The following FLYWCH2 variants were observed in gnomAD, a reference collection of about 807,000 sequenced individuals.
The protein encoded by FLYWCH2 is FLYWCH family member 2.
A neutral mutation model predicts 6.0 loss-of-function variants in FLYWCH2; 2 were observed. The ratio of observed to expected loss-of-function variants is 0.33; its 90% confidence interval spans 0.14 to 1.04. FLYWCH2 has a LOEUF of 1.04. Among genes scored for constraint, FLYWCH2 ranks in the 50% least tolerant of loss-of-function variants. The pLI is 0.45. For missense variants in FLYWCH2, 192 were observed against 183.4 expected (o/e 1.05, Z -0.27); for synonymous variants, 87 against 79.3 (o/e 1.10, Z -0.52).
intron 3 of FLYWCH2, among the ~76,000 whole-genome samples, chr16:2,897,985 G>A (rs532222347): frequency 6.6e-6 from 1 of 152,230 alleles, no homozygotes; most frequent in East Asian, 1.9e-4. Context: ...GGGTCAGCCA[G>A]AACAGGTGGT....
chr16:2,894,930 C>A (rs999182406), intron 1 of FLYWCH2, among the ~76,000 whole-genome samples: 1 of 152,152 alleles, frequency 6.6e-6, no homozygotes, highest in African/African-American at 2.4e-5. Context: ...GAACCTCAAG[C>A]CCAGGTTGGG....
chr16:2,884,558 T>TGAAAAAAAAA lies in FLYWCH2; in HGVS notation c.-200+1192_-200+1193insGAAAAAAAAA, dbSNP rs2069674836. Among the ~76,000 whole-genome samples, 4 of 39,290 alleles carry TGAAAAAAAAA rather than the reference T, an allele frequency of 1.0e-4. No homozygotes were observed. In the South Asian group the frequency reaches 3.1e-3, roughly 31 times the overall value. 25.8% of individuals were successfully genotyped at this position (39,290 alleles called of 152,430 possible). A position where few individuals can be genotyped will look rare whatever the true frequency, so the allele number is the denominator to read the frequency against. ...TAACATGGTGAAACCCCGTCTCTAC[T>TGAAAAAAAAA]AAAAAAAAAAAAAAAAAAATACAAA... On this transcript the variant is annotated intron_variant, in intron 1 of 3. Transcript: ENST00000396958.
chr16:2,898,917 G>A (rs2069851879), intron 3 of FLYWCH2, 132 bp from the exon 4 acceptor site: 1 of 611,758 alleles, frequency 1.6e-6, no homozygotes, highest in African/African-American at 1.9e-5. Flanking sequence ...TCACTTCTCA[G>A]TCAGGCAGAG....
chr16:2,893,291 C>T (rs1218249286), intron 1 of FLYWCH2, among the ~76,000 whole-genome samples: 1 of 152,168 alleles, frequency 6.6e-6, no homozygotes, highest in Non-Finnish European at 1.5e-5. Flanking sequence ...CTAACCCTGC[C>T]TTGGTCTTTC....
chr16:2,889,075 A>G (rs1228474231), intron 1 of FLYWCH2, among the ~76,000 whole-genome samples: 1 of 151,804 alleles, frequency 6.6e-6, no homozygotes, highest in East Asian at 1.9e-4. Context: ...TTCATAAAAC[A>G]CAGTTCCTAC....
At position 2,896,624 on chromosome 16, in the gene FLYWCH2, CGCAAGGGTGT is replaced by C. The variant is rs2069823964; in HGVS notation, c.179_188del (p.Lys60ThrfsTer55). The C allele has an allele frequency of 6.2e-7, 1 of 1,613,924 alleles. No individual in the cohort carries two copies. The highest frequency in any genetic ancestry group is 2.2e-5 in the East Asian group (1 of 44,860). ...CAGCACCAAGGTGGCGGGGGCCAAG[CGCAAGGGTGT>C]GCACTGTGTCATGTCCCTGGGGGTG... On this transcript the variant is annotated frameshift_variant, in exon 3 of 4. Coordinates refer to ENST00000396958, the MANE Select transcript of FLYWCH2 (RefSeq NM_138439.3). LOFTEE classifies it high-confidence loss of function.
rs1279300851 is a variant in FLYWCH2 at position 2,896,743 on chromosome 16, T to C, written c.294T>C (p.Pro98=). 1 of 1,611,488 alleles carries C rather than the reference T, an allele frequency of 6.2e-7. No individual in the cohort carries two copies. The highest frequency in any genetic ancestry group is 8.5e-7 in the Non-Finnish European group (1 of 1,179,840). The stretch of plus-strand genomic sequence containing the variant: ...CCATTGAGGCAGCCCCTCAGGAGCC[T>C]GAGCAGAAACGGAGCAGGCAGGACC... The part of the protein sequence containing the change: ...QRAIEAAPQE[P]EQKRSRQDPG... Residue 98 remains proline, a synonymous_variant, in exon 3 of 4, where the codon CCT becomes CCC. Transcript: ENST00000396958.
At chr16:2,891,139 T>C (rs1020278558) in intron 1 of FLYWCH2, among the ~76,000 whole-genome samples, 1 of 152,226 alleles carries the variant, frequency 6.6e-6, no homozygotes, top group Non-Finnish European at 1.5e-5. Context: ...CTGGCATTTC[T>C]GACTTCAAGC....
intron 1 of FLYWCH2, among the ~76,000 whole-genome samples, chr16:2,887,597 G>A (rs556005710): frequency 5.5e-4 from 83 of 151,522 alleles, no homozygotes; most frequent in Non-Finnish European, 8.7e-4. Context: ...TTGAGACAGA[G>A]TCTTGCTCTG....
intron 1 of FLYWCH2, among the ~76,000 whole-genome samples, chr16:2,889,490 G>A (rs1264450359): frequency 1.3e-5 from 2 of 151,394 alleles, no homozygotes; most frequent in Non-Finnish European, 2.9e-5. Flanking sequence ...GATTAGAGGC[G>A]TGAGCCACTG....
intron 1 of FLYWCH2, among the ~76,000 whole-genome samples, chr16:2,891,497 C>G (rs1205391841): frequency 6.6e-6 from 1 of 152,106 alleles, no homozygotes; most frequent in African/African-American, 2.4e-5. Context: ...CTCCGCCTCC[C>G]GGGTTCACGC....
chr16:2,890,849 C>T lies in FLYWCH2; in HGVS notation c.-199-4371C>T, dbSNP rs139585909. Among the ~76,000 whole-genome samples, 1,340 of 152,264 alleles carry T rather than the reference C, an allele frequency of 8.8e-3. 56 individuals carry two copies. Among genetic ancestry groups the T allele is most frequent in the Admixed American group, 0.064 (975 of 15,272 alleles). On this transcript the variant is annotated intron_variant, in intron 1 of 3. Coordinates refer to ENST00000396958, the MANE Select transcript of FLYWCH2 (RefSeq NM_138439.3). ...CCCAGAGTTCTGGAATTACAAACGT[C>T]AGCCACCTCGCCCAGCCCAGATTGT... is the stretch of plus-strand genomic sequence containing the variant.
chr16:2,893,669 G>A (rs1169049829), intron 1 of FLYWCH2, among the ~76,000 whole-genome samples: 1 of 123,644 alleles, frequency 8.1e-6, no homozygotes, highest in Admixed American at 1.1e-4. Flanking sequence ...ACGGATTCTC[G>A]CTCTGTCGCC....
chr16:2,899,038 T>C lies in FLYWCH2; in HGVS notation c.323-11T>C. ...ATTGACACCAGCCTGATCCACCCTC[T>C]TCTCTCGCAGGCACAGACAGAACAG... On this transcript the variant is annotated splice_polypyrimidine_tract_variant and intron_variant, in intron 3 of 3. Transcript: ENST00000396958. 1 of 1,607,250 alleles carries C rather than the reference T, an allele frequency of 6.2e-7. No individual in the cohort carries two copies.
chr16:2,896,382 C>T lies in FLYWCH2; in HGVS notation c.-68C>T, dbSNP rs2069819433. On this transcript the variant is annotated 5_prime_UTR_variant, in exon 3 of 4. Transcript: ENST00000396958. ...AACCGCTGGACTCCAGGTTCCTTGCCTGGGAGTAGGAGAAATCCACCTGCT... is the reference window on the plus strand; with the variant it reads ...AACCGCTGGACTCCAGGTTCCTTGCTTGGGAGTAGGAGAAATCCACCTGCT... 1.3e-6 allele frequency: 2 copies of T among 1,514,226 alleles called. No individual in the cohort carries two copies. Among genetic ancestry groups the T allele is most frequent in the Admixed American group, 2.3e-5 (1 of 43,910 alleles). The allele number at this position is 1,514,226 out of a possible 1,614,324, so 93.8% of individuals were successfully genotyped here. A position where few individuals can be genotyped will look rare whatever the true frequency, so the allele number is the denominator to read the frequency against.
intron 3 of FLYWCH2, 196 bp downstream of exon 3, chr16:2,896,967 C>G (rs1432270497): frequency 4.9e-6 from 3 of 613,772 alleles, no homozygotes; most frequent in Non-Finnish European, 8.5e-6. Context: ...TGCCTCTGAG[C>G]GGCCTTGCCT....
At position 2,884,564 on chromosome 16, in the gene FLYWCH2, A is replaced by AAAAAAAAAAC. The variant is rs1567301717; in HGVS notation, c.-200+1207_-200+1208insCAAAAAAAAA. On this transcript the variant is annotated intron_variant, in intron 1 of 3. Transcript: ENST00000396958. ...GGTGAAACCCCGTCTCTACTAAAAA[A>AAAAAAAAAAC]AAAAAAAAAAAAATACAAAAATTAG... Among the ~76,000 whole-genome samples the AAAAAAAAAAC allele has an allele frequency of 4.9e-5, 7 of 141,494 alleles. 1 individual carries two copies. Among genetic ancestry groups the AAAAAAAAAAC allele is most frequent in the Non-Finnish European group, 1.1e-4 (7 of 64,694 alleles). 92.8% of individuals were successfully genotyped at this position (141,494 alleles called of 152,430 possible).
chr16:2,886,415 C>G (rs1423674808), intron 1 of FLYWCH2, among the ~76,000 whole-genome samples: 1 of 146,952 alleles, frequency 6.8e-6, no homozygotes, highest in Non-Finnish European at 1.5e-5. Context: ...ACTATGTTGT[C>G]TAGGCTGATC....
chr16:2,892,352 C>T (rs1317233750), intron 1 of FLYWCH2, among the ~76,000 whole-genome samples: 5 of 151,118 alleles, frequency 3.3e-5, no homozygotes, highest in Non-Finnish European at 5.9e-5. Flanking sequence ...AAAAATTAGC[C>T]GGGCATGGTG....
Sources: gnomAD v4.1 joint callset for allele counts (sites outside exome capture counted in the v4.1 genomes callset) on GRCh38, gnomAD v4.1.1 for gene constraint, MANE v1.5 for transcripts, NCBI Gene and HGNC (gene_info 2026-07-23, HGNC 2026-07-21) for gene names.